ZNF395: variants seen among roughly 807,000 people sequenced by gnomAD.
ZNF395 encodes zinc finger protein 395.
In ZNF395, 20 loss-of-function variants were observed where a neutral mutation model predicts 57.7. The observed-to-expected ratio is 0.35, with a 90% confidence interval of 0.24 to 0.50. ZNF395 has a LOEUF of 0.50. Ranked by LOEUF, ZNF395 falls within the 20% of genes least tolerant of loss-of-function variation. The pLI, the probability that ZNF395 is intolerant of heterozygous loss-of-function variation, is 0.97. For missense variants in ZNF395, 606 were observed against 671.2 expected (o/e 0.90, Z 1.07); for synonymous variants, 295 against 275.9 (o/e 1.07, Z -0.69).
chr8:28,374,127 AG>A (rs1254162730), intron 1 of ZNF395, among the ~76,000 whole-genome samples: 1 of 152,214 alleles, frequency 6.6e-6, no homozygotes, highest in Non-Finnish European at 1.5e-5. Flanking sequence ...TCTAATTCAA[AG>A]GGAGACCGGG....
chr8:28,372,296 G>A (rs1282176987), intron 1 of ZNF395, among the ~76,000 whole-genome samples: 1 of 152,150 alleles, frequency 6.6e-6, no homozygotes, highest in Non-Finnish European at 1.5e-5. Flanking sequence ...GAAACAGTGA[G>A]AAAATGCATG....
intron 4 of ZNF395, among the ~76,000 whole-genome samples, chr8:28,354,055 A>G (rs1373222484): frequency 6.6e-6 from 1 of 152,256 alleles, no homozygotes; most frequent in Non-Finnish European, 1.5e-5. Flanking sequence ...GCTGCAGCCC[A>G]GGTGGAACCT....
intron 1 of ZNF395, among the ~76,000 whole-genome samples, chr8:28,383,505 C>G (rs912210626): frequency 6.6e-6 from 1 of 152,158 alleles, no homozygotes; most frequent in Non-Finnish European, 1.5e-5. Flanking sequence ...TTTAGCAAAT[C>G]CCATTCTACA....
Position 28,356,602 on chromosome 8 carries a change from T to G in ZNF395, c.583+68A>C. On this transcript the variant is annotated intron_variant, in intron 4 of 9. Transcript: ENST00000344423. This position sits in a 1 kb window ranked among gnomAD's most constrained non-coding sequence, Gnocchi z 4.0. ...GCTGGTGACATAGGCAACTAGCTGCTCTGCACAGAGGATGTTTGTCGTGGG... is the reference window on the plus strand; with the variant it reads ...GCTGGTGACATAGGCAACTAGCTGCGCTGCACAGAGGATGTTTGTCGTGGG... 3.3e-6 allele frequency: 4 copies of G among 1,226,888 alleles called. No individual in the cohort carries two copies. The highest frequency in any genetic ancestry group is 4.7e-6 in the Non-Finnish European group (4 of 850,086). 76.0% of individuals were successfully genotyped at this position (1,226,888 alleles called of 1,614,324 possible). A position where few individuals can be genotyped will look rare whatever the true frequency, so the allele number is the denominator to read the frequency against.
Position 28,361,023 on chromosome 8 carries a change from C to T in ZNF395, c.102G>A (p.Ser34=), listed in dbSNP as rs751443630. ...ASEGPSAAPP[S]EPLLEGAAPQ... ...GAGCGGCCCCTTCTAGCAGTGGCTC[C>T]GAGGGTGGGGCAGCCGAGGGCCCCT... The change falls in exon 2 of 10, where the codon TCG becomes TCA. Residue 34 remains serine (S), a synonymous_variant. Coordinates refer to ENST00000344423, the MANE Select transcript of ZNF395 (RefSeq NM_018660.3). 3.4e-5 allele frequency: 55 copies of T among 1,610,234 alleles called. No individual in the cohort carries two copies. The highest frequency in any genetic ancestry group is 4.4e-5 in the Non-Finnish European group (52 of 1,178,202).
At chr8:28,384,964 T>G (rs1802153937) in intron 1 of ZNF395, 2 of 152,026 alleles carry the variant, frequency 1.3e-5, no homozygotes, top group South Asian at 2.1e-4. Flanking sequence ...ACCTGTGGAG[T>G]TGAACTTAAT....
At position 28,352,474 on chromosome 8, in the gene ZNF395, G is replaced by A. The variant is rs529328952; in HGVS notation, c.920+99C>T. The stretch of plus-strand genomic sequence containing the variant: ...CCAGGGGGTGTTCCCAGCAAGCCAC[G>A]TTCCTGAAAGCACTGTGGGCTGTGG... On this transcript the variant is annotated intron_variant, in intron 6 of 9. Coordinates refer to ENST00000344423, the MANE Select transcript of ZNF395 (RefSeq NM_018660.3). The surrounding 1 kb of genome is among the most constrained non-coding windows in gnomAD (Gnocchi z 4.0). 22 of 1,032,644 alleles carry A rather than the reference G, an allele frequency of 2.1e-5. No individual in the cohort carries two copies. The highest frequency in any genetic ancestry group is 1.6e-4 in the South Asian group (11 of 70,760). 64.0% of individuals were successfully genotyped at this position (1,032,644 alleles called of 1,614,324 possible). A position where few individuals can be genotyped will look rare whatever the true frequency, so the allele number is the denominator to read the frequency against.
At chr8:28,371,787 G>A (rs761336399) in intron 1 of ZNF395, among the ~76,000 whole-genome samples, 8 of 152,306 alleles carry the variant, frequency 5.3e-5, no homozygotes, top group East Asian at 3.9e-4. Context: ...AGTGACTCAC[G>A]CCTGTAATCC....
chr8:28,353,674 T>TA (rs1339005633), intron 4 of ZNF395, among the ~76,000 whole-genome samples: 1 of 152,118 alleles, frequency 6.6e-6, no homozygotes, highest in Non-Finnish European at 1.5e-5. Flanking sequence ...AATTTTTTTT[T>TA]AGAGATGGGG....
chr8:28,348,966 G>T, intron 9 of ZNF395, 136 bp from the exon 10 acceptor site: 1 of 1,162,594 alleles, frequency 8.6e-7, no homozygotes, highest in Non-Finnish European at 1.3e-6. Context: ...GGGGCCAGAG[G>T]CTCTGAGGAC....
chr8:28,364,029 G>T (rs996123065), intron 1 of ZNF395, among the ~76,000 whole-genome samples: 4 of 152,188 alleles, frequency 2.6e-5, no homozygotes, highest in African/African-American at 9.7e-5. Flanking sequence ...AAAAGCAGAA[G>T]AGAAAGAAGG....
intron 4 of ZNF395, among the ~76,000 whole-genome samples, chr8:28,354,772 A>T (rs1044326940): frequency 1.3e-5 from 2 of 152,068 alleles, no homozygotes; most frequent in Non-Finnish European, 2.9e-5. Context: ...GACAAGAATC[A>T]TTAAACAGGC....
Position 28,351,655 on chromosome 8 carries a change from C to A in ZNF395, c.1073G>T (p.Ser358Ile), listed in dbSNP as rs778894099. The change falls in exon 7 of 10, where the codon AGC becomes ATC. Residue 358 changes from serine to isoleucine, a missense_variant. By Grantham distance (142) the Ser-to-Ile change is moderately radical. This residue lies in a region of ZNF395 where 261 missense variants were observed against 240.3 expected (regional missense o/e 1.09). Transcript: ENST00000344423. ...AGCAGACAGAGGCAGGCCAGTCATGCTGGGGGTGGGAGCTGGCTCGGAGGT... is the reference window on the plus strand; with the variant it reads ...AGCAGACAGAGGCAGGCCAGTCATGATGGGGGTGGGAGCTGGCTCGGAGGT... Reference protein sequence around the residue: ...TPTSEPAPTPSMTGLPLSALP... With the variant: ...TPTSEPAPTPIMTGLPLSALP... 1.2e-6 allele frequency: 2 copies of A among 1,613,238 alleles called. No homozygotes were observed. The highest frequency in any genetic ancestry group is 1.7e-5 in the Admixed American group (1 of 60,016).
Position 28,356,491 on chromosome 8 carries a change from G to A in ZNF395, c.583+179C>T, listed in dbSNP as rs1218354880. Reference sequence around the variant, plus strand: ...ACTCCTCCCCAGGTGAGGAAACTGAGGAAAAAGAACGGAAGCATCTAACTC... The same window carrying A: ...ACTCCTCCCCAGGTGAGGAAACTGAAGAAAAAGAACGGAAGCATCTAACTC... On this transcript the variant is annotated intron_variant, in intron 4 of 9. Transcript: ENST00000344423. The surrounding 1 kb of genome is among the most constrained non-coding windows in gnomAD (Gnocchi z 4.0). Among the ~76,000 whole-genome samples the A allele has an allele frequency of 1.3e-5, 2 of 152,246 alleles. No homozygotes were observed. Among genetic ancestry groups the A allele is most frequent in the Non-Finnish European group, 2.9e-5 (2 of 68,046 alleles).
At chr8:28,363,179 T>C (rs1471100148) in intron 1 of ZNF395, among the ~76,000 whole-genome samples, 1 of 151,868 alleles carries the variant, frequency 6.6e-6, no homozygotes, top group African/African-American at 2.4e-5. Context: ...TTGCCCAGGC[T>C]GGAGTGCAGT....
At chr8:28,365,906 T>C (rs529292800) in intron 1 of ZNF395, among the ~76,000 whole-genome samples, 25 of 152,210 alleles carry the variant, frequency 1.6e-4, no homozygotes, top group Non-Finnish European at 3.4e-4. Context: ...ATTTGTCATG[T>C]AACTGTTGCT....
chr8:28,354,303 A>G (rs892952022), intron 4 of ZNF395, among the ~76,000 whole-genome samples: 5 of 152,198 alleles, frequency 3.3e-5, no homozygotes, highest in African/African-American at 4.8e-5. Flanking sequence ...TTGGCCAAAA[A>G]TCCAGGTGAA....
At chr8:28,384,161 A>C (rs538007739) in intron 1 of ZNF395, among the ~76,000 whole-genome samples, 2 of 152,216 alleles carry the variant, frequency 1.3e-5, no homozygotes, top group Non-Finnish European at 2.9e-5. Context: ...AAACCCTTCC[A>C]TTACAGTTGT....
rs879651659 is a variant in ZNF395 at position 28,366,517 on chromosome 8, G to GATAAATAAATAAATAAATAA, written c.-58-5336_-58-5335insTTATTTATTTATTTATTTAT. Among the ~76,000 whole-genome samples the GATAAATAAATAAATAAATAA allele has an allele frequency of 6.5e-3, 986 of 152,188 alleles. 5 individuals are homozygous for GATAAATAAATAAATAAATAA. The highest frequency in any genetic ancestry group is 0.01 in the Non-Finnish European group (681 of 68,016). On this transcript the variant is annotated intron_variant, in intron 1 of 9. Coordinates refer to ENST00000344423, the MANE Select transcript of ZNF395 (RefSeq NM_018660.3). Reference sequence around the variant, plus strand: ...GCTCTAAATAAATAAATAATCAAAGGCCAAAATGTTTGCAGTGAATGTTTG... The same window carrying GATAAATAAATAAATAAATAA: ...GCTCTAAATAAATAAATAATCAAAGGATAAATAAATAAATAAATAACCAAAATGTTTGCAGTGAATGTTTG...
Sources: allele counts gnomAD v4.1 joint callset (sites outside exome capture counted in the v4.1 genomes callset), GRCh38; gene constraint gnomAD v4.1.1; regional missense constraint gnomAD v4.1.1; non-coding constraint Gnocchi (gnomAD v3.1); transcripts MANE v1.5; gene names NCBI Gene and HGNC (gene_info 2026-07-23, HGNC 2026-07-21).